NCAM2: variants seen among roughly 807,000 people sequenced by gnomAD.
The protein encoded by NCAM2 is neural cell adhesion molecule 2.
In NCAM2, 30 loss-of-function variants were observed where a neutral mutation model predicts 98.1. The observed-to-expected ratio is 0.31, with a 90% CI of 0.23 to 0.41. The LOEUF (loss-of-function observed/expected upper bound fraction) is 0.41. Ranked by LOEUF, NCAM2 falls within the 10% of genes least tolerant of loss-of-function variation. The pLI is 1.00. For synonymous variants in NCAM2, 368 were observed against 342.4 expected, an observed-to-expected ratio of 1.07 and a Z score of -0.83; for missense variants, 867 against 1,005.8, an observed-to-expected ratio of 0.86 and a Z score of 1.87.
intron 1 of NCAM2, among the ~76,000 whole-genome samples, chr21:21,264,425 A>G (rs1268559811): frequency 6.6e-6 from 1 of 152,064 alleles, no homozygotes; most frequent in Non-Finnish European, 1.5e-5. Flanking sequence ...ACCCCAATAG[A>G]AAACAGTCTG....
At chr21:21,322,317 AG>A (rs1391087778) in intron 5 of NCAM2, among the ~76,000 whole-genome samples, 1 of 151,878 alleles carries the variant, frequency 6.6e-6, no homozygotes, top group Non-Finnish European at 1.5e-5. Context: ...GGAAAGAGGG[AG>A]GTGGGATGGT....
chr21:21,082,281 C>CAA (rs11384165), intron 1 of NCAM2, among the ~76,000 whole-genome samples: 6,981 of 127,766 alleles, frequency 0.055, 259 homozygotes, highest in East Asian at 0.14. Context: ...GAGCTCAAAA[C>CAA]AAAAAAAAAA....
chr21:21,341,027 A>G (rs1165663709), intron 8 of NCAM2, among the ~76,000 whole-genome samples: 2 of 151,800 alleles, frequency 1.3e-5, no homozygotes, highest in East Asian at 4.0e-4. Context: ...TTGCCATATT[A>G]CAAATTTACA....
At chr21:21,060,266 A>G (rs577156919) in intron 1 of NCAM2, among the ~76,000 whole-genome samples, 2 of 152,168 alleles carry the variant, frequency 1.3e-5, no homozygotes, top group Non-Finnish European at 2.9e-5. Context: ...ATTATACCAT[A>G]TGTGAAAATA....
At chr21:21,022,960 T>A (rs1302099531) in intron 1 of NCAM2, among the ~76,000 whole-genome samples, 1 of 152,144 alleles carries the variant, frequency 6.6e-6, no homozygotes, top group Admixed American at 6.5e-5. Context: ...TGATTTTACA[T>A]AAAATATTTA....
intron 1 of NCAM2, among the ~76,000 whole-genome samples, chr21:21,027,613 T>C (rs2064578486): frequency 6.6e-6 from 1 of 152,208 alleles, no homozygotes; most frequent in South Asian, 2.1e-4. Flanking sequence ...ATTTCAAGCA[T>C]GTTTGATCTC....
chr21:21,423,642 G>A (rs77773236), intron 11 of NCAM2, among the ~76,000 whole-genome samples: 6,450 of 152,116 alleles, frequency 0.042, 177 homozygotes, highest in Non-Finnish European at 0.061. Flanking sequence ...GCTATTAAGG[G>A]AGGTCTCTGA....
rs149289634 is a variant in NCAM2, at chr21:21,183,095, C to T, written c.56-97483C>T. ...AAAATATGGTATGGGAATAAGTAGC[C>T]GTTTTTGAGAAGTTACTAAATCTTA... On this transcript the variant is annotated intron_variant, in intron 1 of 17. Coordinates refer to ENST00000400546, the MANE Select transcript of NCAM2 (RefSeq NM_004540.5). Among the ~76,000 whole-genome samples, 171 of 152,102 alleles carry T rather than the reference C, an allele frequency of 1.1e-3. 2 individuals carry two copies. Among genetic ancestry groups the T allele is most frequent in the African/African-American group, 3.7e-3 (153 of 41,496 alleles).
chr21:21,154,314 C>A (rs2067542714), intron 1 of NCAM2, among the ~76,000 whole-genome samples: 1 of 151,724 alleles, frequency 6.6e-6, no homozygotes, highest in Non-Finnish European at 1.5e-5. Flanking sequence ...TGTGAAATTT[C>A]TTTAATCATG....
intron 12 of NCAM2, among the ~76,000 whole-genome samples, chr21:21,447,529 A>G (rs1364503783): frequency 6.6e-6 from 1 of 152,202 alleles, no homozygotes; most frequent in African/African-American, 2.4e-5. Flanking sequence ...CAATTGCAAC[A>G]AAAGCCAAAT....
At chr21:21,020,861 G>T (rs1411251838) in intron 1 of NCAM2, among the ~76,000 whole-genome samples, 2 of 152,178 alleles carry the variant, frequency 1.3e-5, no homozygotes, top group Non-Finnish European at 2.9e-5. Context: ...CTGTGGCCTA[G>T]TAGACTTCCC....
At chr21:21,378,066 C>T (rs968406456) in intron 9 of NCAM2, among the ~76,000 whole-genome samples, 19 of 151,924 alleles carry the variant, frequency 1.3e-4, no homozygotes, top group African/African-American at 4.6e-4. Flanking sequence ...TACCACATTT[C>T]CTTTATCCTT....
At chr21:21,239,452 T>C (rs2070979748) in intron 1 of NCAM2, 1 of 152,166 alleles carries the variant, frequency 6.6e-6, no homozygotes, top group Non-Finnish European at 1.5e-5. Flanking sequence ...AAAAATTATC[T>C]CCCTTTAAAG....
intron 1 of NCAM2, among the ~76,000 whole-genome samples, chr21:21,255,747 A>G (rs1314155658): frequency 6.6e-6 from 1 of 152,204 alleles, no homozygotes; most frequent in African/African-American, 2.4e-5. Flanking sequence ...TTAAATAAAC[A>G]TGGCCCAACT....
At chr21:21,093,914 T>A (rs1009109863) in intron 1 of NCAM2, among the ~76,000 whole-genome samples, 1 of 152,072 alleles carries the variant, frequency 6.6e-6, no homozygotes, top group African/African-American at 2.4e-5. Context: ...TTACATTTTA[T>A]CTAAAGTGTA....
Position 21,503,863 on chromosome 21 carries a change from T to C in NCAM2, c.2078-4988T>C, listed in dbSNP as rs1444917903. On this transcript the variant is annotated intron_variant, in intron 15 of 17. Transcript: ENST00000400546. The stretch of plus-strand genomic sequence containing the variant: ...CCAAATATATTTTTAACTTTTTATA[T>C]TCTAAATTATTTATTCTTATTCAAT... Among the ~76,000 whole-genome samples, 4 of 151,942 alleles carry C rather than the reference T, an allele frequency of 2.6e-5. No individual in the cohort carries two copies. In the East Asian group the frequency reaches 5.8e-4, roughly 22 times the overall value.
rs191893256 is a variant in NCAM2 at position 21,445,125 on chromosome 21, C to T, written c.1654+12844C>T. Among the ~76,000 whole-genome samples the T allele has an allele frequency of 2.1e-4, 32 of 152,186 alleles. No individual in the cohort carries two copies. The East Asian group carries it at 5.4e-3, about 26-fold the overall frequency. On this transcript the variant is annotated intron_variant, in intron 12 of 17. Coordinates refer to ENST00000400546, the MANE Select transcript of NCAM2 (RefSeq NM_004540.5). ...CATTCAGGAGCAGATTGTTGAATGT[C>T]CATTTAATTGTGTGGTTTTGAGTGA... is the stretch of plus-strand genomic sequence containing the variant.
rs763174688 is a variant in NCAM2 at position 21,538,512 on chromosome 21, T to A, written c.*555T>A. ...AGCAGATATTAAAAATTGAAAACTT[T>A]GGAGAACTCATTTCAAGTTATGATT... On this transcript the variant is annotated 3_prime_UTR_variant, in exon 18 of 18. Transcript: ENST00000400546. 6.6e-6 allele frequency: 1 copy of A among 152,596 alleles called. No homozygotes were observed. Among genetic ancestry groups the A allele is most frequent in the South Asian group, 2.1e-4 (1 of 4,834 alleles). 9.5% of individuals were successfully genotyped at this position (152,596 alleles called of 1,614,324 possible).
At chr21:21,210,689 C>T in intron 1 of NCAM2, 1 of 1,242,316 alleles carries the variant, frequency 8.0e-7, no homozygotes, top group Non-Finnish European at 1.0e-6. Context: ...TATTACAGGA[C>T]AGGTCAGCTG....
Sources: allele counts gnomAD v4.1 joint callset (sites outside exome capture counted in the v4.1 genomes callset), GRCh38; gene constraint gnomAD v4.1.1; transcripts MANE v1.5; gene names NCBI Gene and HGNC (gene_info 2026-07-23, HGNC 2026-07-21).